PDZRN3: variants seen among roughly 807,000 people sequenced by gnomAD.
PDZRN3 encodes the protein E3 ubiquitin-protein ligase PDZRN3.
PDZRN3 carries 38 observed loss-of-function variants against 85.7 expected under a neutral mutation model. The observed-to-expected ratio is 0.44, with a 90% CI of 0.34 to 0.58. The LOEUF (loss-of-function observed/expected upper bound fraction) is 0.58. Among genes scored for constraint, PDZRN3 ranks in the 20% least tolerant of loss-of-function variants. PDZRN3 has a pLI of 0.01. For missense variants in PDZRN3, 1,629 were observed against 1,506.4 expected (o/e 1.08, Z -1.35); for synonymous variants, 759 against 638.0 (o/e 1.19, Z -2.86).
chr3:73,584,176 C>A (rs6771982), intron 3 of PDZRN3, among the ~76,000 whole-genome samples: 1 of 151,432 alleles, frequency 6.6e-6, no homozygotes, highest in Non-Finnish European at 1.5e-5. Context: ...TTATAACTTG[C>A]GACTTTTACT....
Position 73,571,824 on chromosome 3 carries a change from G to A in PDZRN3, c.918+30530C>T. Among the ~76,000 whole-genome samples the A allele has an allele frequency of 1.3e-5, 2 of 152,170 alleles. 1 individual carries two copies. Among genetic ancestry groups the A allele is most frequent in the Non-Finnish European group, 2.9e-5 (2 of 68,024 alleles). On this transcript the variant is annotated intron_variant, in intron 3 of 9. Transcript: ENST00000263666. ...AAGTGGCAGTGAGATGGAAGCTGGT[G>A]TGGTCACAAATGTGTCCCGAGCACC...
intron 1 of PDZRN3, among the ~76,000 whole-genome samples, chr3:73,614,590 AG>A (rs1702733522): frequency 6.6e-6 from 1 of 152,214 alleles, no homozygotes; most frequent in South Asian, 2.1e-4. Context: ...AACACCTCGC[AG>A]CCTCAGATTA....
chr3:73,408,591 G>GC (rs1462948880), intron 3 of PDZRN3, among the ~76,000 whole-genome samples: 1 of 150,224 alleles, frequency 6.7e-6, no homozygotes, highest in Non-Finnish European at 1.5e-5. Flanking sequence ...TTGGAGGAGG[G>GC]GGGGGGGTGC....
chr3:73,444,818 T>C (rs991349383), intron 3 of PDZRN3, among the ~76,000 whole-genome samples: 8 of 152,120 alleles, frequency 5.3e-5, no homozygotes, highest in African/African-American at 1.9e-4. Flanking sequence ...TCTGAGCTGG[T>C]TGTTGCAAGA....
intron 3 of PDZRN3, among the ~76,000 whole-genome samples, chr3:73,521,203 G>T (rs776438009): frequency 6.6e-6 from 1 of 152,152 alleles, no homozygotes; most frequent in African/African-American, 2.4e-5. Context: ...GTTGTTGTGC[G>T]TGCCACTCCG....
chr3:73,510,425 C>T (rs571057751), intron 3 of PDZRN3, among the ~76,000 whole-genome samples: 10 of 152,280 alleles, frequency 6.6e-5, no homozygotes, highest in African/African-American at 2.4e-4. Flanking sequence ...AGCACCATTG[C>T]TTGGAAAAGC....
intron 3 of PDZRN3, among the ~76,000 whole-genome samples, chr3:73,416,157 G>C (rs2106761148): frequency 6.6e-6 from 1 of 152,122 alleles, no homozygotes; most frequent in African/African-American, 2.4e-5. Flanking sequence ...AAAAAATTAG[G>C]ATGACATGGG....
intron 3 of PDZRN3, chr3:73,556,723 T>A (rs1191621619): frequency 6.6e-6 from 1 of 152,230 alleles, no homozygotes; most frequent in Non-Finnish European, 1.5e-5. Flanking sequence ...TCTGAGCAGC[T>A]CTTTGAAGAA....
At chr3:73,487,705 A>C (rs1238545099) in intron 3 of PDZRN3, among the ~76,000 whole-genome samples, 1 of 152,136 alleles carries the variant, frequency 6.6e-6, no homozygotes, top group African/African-American at 2.4e-5. Flanking sequence ...TTCTCCAAGC[A>C]CCTATAAACA....
intron 3 of PDZRN3, among the ~76,000 whole-genome samples, chr3:73,524,657 G>A (rs1257645910): frequency 3.3e-5 from 5 of 151,846 alleles, no homozygotes; most frequent in Admixed American, 2.6e-4. Context: ...TTTCCTAGAC[G>A]GGGCTACAGA....
intron 3 of PDZRN3, among the ~76,000 whole-genome samples, chr3:73,454,256 T>C (rs75354115): frequency 0.053 from 8,134 of 152,124 alleles, 261 homozygotes; most frequent in Middle Eastern, 0.13. Flanking sequence ...AGAGAGTCTC[T>C]GAGAAGCCTA....
chr3:73,446,606 TTTC>T (rs1169199470), intron 3 of PDZRN3, among the ~76,000 whole-genome samples: 3 of 152,174 alleles, frequency 2.0e-5, no homozygotes, highest in Non-Finnish European at 4.4e-5. Flanking sequence ...CTCACTACAC[TTTC>T]TTATCTGCCT....
intron 3 of PDZRN3, among the ~76,000 whole-genome samples, chr3:73,551,819 A>T (rs1204049120): frequency 6.6e-6 from 1 of 152,204 alleles, no homozygotes; most frequent in Non-Finnish European, 1.5e-5. Flanking sequence ...TTCTTGAAGC[A>T]GTAGACTAAG....
chr3:73,578,884 T>A (rs1702160370), intron 3 of PDZRN3, among the ~76,000 whole-genome samples: 2 of 152,180 alleles, frequency 1.3e-5, no homozygotes, highest in Admixed American at 6.5e-5. Flanking sequence ...GGCACTTGGT[T>A]TGCTAAAAGA....
At chr3:73,545,721 C>T (rs1441444079) in intron 3 of PDZRN3, among the ~76,000 whole-genome samples, 2 of 152,204 alleles carry the variant, frequency 1.3e-5, no homozygotes, top group Non-Finnish European at 2.9e-5. Flanking sequence ...ATAAAAATCG[C>T]TGGATCTTTA....
intron 1 of PDZRN3, among the ~76,000 whole-genome samples, chr3:73,617,400 C>T (rs1702780460): frequency 6.6e-6 from 1 of 152,164 alleles, no homozygotes; most frequent in Non-Finnish European, 1.5e-5. Flanking sequence ...CAAGGGGAGA[C>T]AGAGGCTAAC....
intron 3 of PDZRN3, among the ~76,000 whole-genome samples, chr3:73,582,978 A>T (rs1702223815): frequency 6.6e-6 from 1 of 152,148 alleles, no homozygotes; most frequent in Non-Finnish European, 1.5e-5. Context: ...CATTTTTTGG[A>T]CCAACTCACT....
At chr3:73,503,772 T>C (rs1041885386) in intron 3 of PDZRN3, among the ~76,000 whole-genome samples, 1 of 152,222 alleles carries the variant, frequency 6.6e-6, no homozygotes, top group East Asian at 1.9e-4. Flanking sequence ...TGAACTTTTT[T>C]GGGGCAGAAA....
chr3:73,613,576 G>A (rs754079199), intron 1 of PDZRN3, among the ~76,000 whole-genome samples: 4 of 152,096 alleles, frequency 2.6e-5, no homozygotes, highest in Admixed American at 6.6e-5. Context: ...CGAAAAGAAG[G>A]TGAAGAACAG....
Sources: allele counts gnomAD v4.1 joint callset (sites outside exome capture counted in the v4.1 genomes callset), GRCh38; gene constraint gnomAD v4.1.1; transcripts MANE v1.5; gene names NCBI Gene and HGNC (gene_info 2026-07-23, HGNC 2026-07-21).